Variants in MSRA observed in about 807,000 individuals in gnomAD.
The protein encoded by MSRA is mitochondrial peptide methionine sulfoxide reductase.
Under a neutral mutation model 31.3 loss-of-function variants are expected in MSRA, and 54 were observed. The observed-to-expected ratio is 1.73, with a 90% CI of 1.39 to 2.17. The LOEUF is 2.17. MSRA is among the 30% of genes most tolerant of loss of function. The probability of loss-of-function intolerance (pLI) is 0.00; values close to 1 mark genes in which losing one functional copy is unlikely to be tolerated. For synonymous variants in MSRA, 169 were observed against 116.5 expected (o/e 1.45, Z -2.90); for missense variants, 507 against 300.9 (o/e 1.69, Z -5.07).
chr8:10,118,751 C>T (rs1182920306), intron 1 of MSRA, among the ~76,000 whole-genome samples: 1 of 152,196 alleles, frequency 6.6e-6, no homozygotes, highest in Non-Finnish European at 1.5e-5. Flanking sequence ...CTACACGTCC[C>T]TCAAAACCAG....
At chr8:10,297,988 A>T (rs1047385100) in intron 3 of MSRA, among the ~76,000 whole-genome samples, 2 of 152,200 alleles carry the variant, frequency 1.3e-5, no homozygotes, top group African/African-American at 4.8e-5. Context: ...AGGTTTCTCC[A>T]TTCAGAAGCT....
intron 5 of MSRA, among the ~76,000 whole-genome samples, chr8:10,394,010 C>G (rs1806932221): frequency 1.3e-5 from 2 of 152,172 alleles, no homozygotes; most frequent in African/African-American, 4.8e-5. Flanking sequence ...AATTAGAGGG[C>G]AGATGGAAGA....
At chr8:10,096,240 C>T in intron 1 of MSRA, 1 of 1,196,874 alleles carries the variant, frequency 8.4e-7, no homozygotes, top group Non-Finnish European at 1.0e-6. Flanking sequence ...ACTACATCCC[C>T]CAGCAATTAG....
intron 1 of MSRA, among the ~76,000 whole-genome samples, chr8:10,071,036 C>G (rs1030945338): frequency 3.3e-5 from 5 of 152,188 alleles, no homozygotes; most frequent in African/African-American, 1.2e-4. Context: ...TTGCTGGGCA[C>G]TTACATGTGA....
At chr8:10,400,657 G>A (rs753554104) in intron 5 of MSRA, among the ~76,000 whole-genome samples, 5 of 152,130 alleles carry the variant, frequency 3.3e-5, no homozygotes, top group Non-Finnish European at 7.4e-5. Flanking sequence ...TGAGGTGGTG[G>A]CAGGAGGAGA....
intron 5 of MSRA, among the ~76,000 whole-genome samples, chr8:10,324,504 CT>C (rs1802250560): frequency 6.6e-6 from 1 of 152,182 alleles, no homozygotes; most frequent in Non-Finnish European, 1.5e-5. Flanking sequence ...TCACCTTTTC[CT>C]GCCTGGAGAC....
At chr8:10,251,584 ATC>A (rs1226235299) in intron 3 of MSRA, among the ~76,000 whole-genome samples, 1 of 152,140 alleles carries the variant, frequency 6.6e-6, no homozygotes, top group African/African-American at 2.4e-5. Flanking sequence ...AAAAACGCTT[ATC>A]TCTCTCAAAC....
intron 5 of MSRA, among the ~76,000 whole-genome samples, chr8:10,351,955 G>T (rs1804178462): frequency 6.6e-6 from 1 of 152,262 alleles, no homozygotes; most frequent in Non-Finnish European, 1.5e-5. Context: ...CTGTGTGGTT[G>T]TTGACTGCGA....
intron 1 of MSRA, among the ~76,000 whole-genome samples, chr8:10,086,954 G>A (rs1798591172): frequency 1.3e-5 from 2 of 151,886 alleles, no homozygotes; most frequent in Admixed American, 1.3e-4. Flanking sequence ...TATAATTTGG[G>A]TTGGCCTTAG....
chr8:10,236,341 G>T (rs1488189134), intron 2 of MSRA, among the ~76,000 whole-genome samples: 1 of 152,166 alleles, frequency 6.6e-6, no homozygotes, highest in Admixed American at 6.6e-5. Context: ...ATAACTTTCT[G>T]TATAGGAAAT....
At chr8:10,271,915 T>C (rs1467634717) in intron 3 of MSRA, among the ~76,000 whole-genome samples, 1 of 152,080 alleles carries the variant, frequency 6.6e-6, no homozygotes, top group East Asian at 1.9e-4. Context: ...ACAGAGTTGG[T>C]CAGGCTGGTC....
intron 5 of MSRA, chr8:10,353,560 A>T (rs778338980): frequency 8.3e-5 from 38 of 455,346 alleles, no homozygotes; most frequent in Non-Finnish European, 1.3e-4. Context: ...CTGTAACGAG[A>T]TGCAATTTTC....
chr8:10,283,412 T>G (rs1455516417), intron 3 of MSRA, among the ~76,000 whole-genome samples: 1 of 152,092 alleles, frequency 6.6e-6, no homozygotes, highest in Non-Finnish European at 1.5e-5. Flanking sequence ...ATAGAAGAAA[T>G]GTCCTATCTA....
chr8:10,115,838 T>A (rs75031420), intron 1 of MSRA, among the ~76,000 whole-genome samples: 1 of 152,188 alleles, frequency 6.6e-6, no homozygotes, highest in Admixed American at 6.5e-5. Flanking sequence ...TCAATGACTG[T>A]TTAATGAATT....
intron 5 of MSRA, among the ~76,000 whole-genome samples, chr8:10,363,267 G>T (rs530330169): frequency 7.6e-4 from 116 of 152,306 alleles, no homozygotes; most frequent in Non-Finnish European, 1.4e-3. Context: ...TTTGGCAACT[G>T]GCCAGGGAGG....
chr8:10,379,736 G>C (rs776602694), intron 5 of MSRA, among the ~76,000 whole-genome samples: 1 of 152,214 alleles, frequency 6.6e-6, no homozygotes, highest in East Asian at 1.9e-4. Context: ...CTAAGTATGG[G>C]ATGGCCAGGC....
chr8:10,169,864 C>T (rs191819123), intron 1 of MSRA, among the ~76,000 whole-genome samples: 1 of 150,336 alleles, frequency 6.7e-6, no homozygotes, highest in African/African-American at 2.4e-5. Context: ...CCATTAAGCT[C>T]ACTTATTTGT....
chr8:10,062,363 G>T (rs1585067485), intron 1 of MSRA, among the ~76,000 whole-genome samples: 1 of 152,156 alleles, frequency 6.6e-6, no homozygotes, highest in Non-Finnish European at 1.5e-5. Flanking sequence ...GAAAGTTGTG[G>T]ATCTTCTACA....
At position 10,428,184 on chromosome 8, in the gene MSRA, G is replaced by A. The variant is rs200629688; in HGVS notation, c.580G>A (p.Asp194Asn). 23 of 1,613,934 alleles carry A rather than the reference G, an allele frequency of 1.4e-5. No homozygotes were observed. The highest frequency in any genetic ancestry group is 1.6e-4 in the Middle Eastern group (1 of 6,080). Residue 194 changes from aspartate (D) to asparagine (N), a missense_variant, in exon 6 of 6, where the codon GAC becomes AAC. Transcript: ENST00000317173. Reference protein sequence around the residue: ...SEHGFGPITTDIREGQTFYYA... With the variant: ...SEHGFGPITTNIREGQTFYYA... Reference sequence around the variant, plus strand: ...GCACGGCTTCGGCCCCATCACTACCGACATCCGGGAGGGACAGACTTTCTA... The same window carrying A: ...GCACGGCTTCGGCCCCATCACTACCAACATCCGGGAGGGACAGACTTTCTA...
Sources: gnomAD v4.1 joint callset for allele counts (sites outside exome capture counted in the v4.1 genomes callset) on GRCh38, gnomAD v4.1.1 for gene constraint, MANE v1.5 for transcripts, NCBI Gene and HGNC (gene_info 2026-07-23, HGNC 2026-07-21) for gene names.